Variants in PTPRM observed in about 807,000 individuals in gnomAD.
The protein encoded by PTPRM is protein tyrosine phosphatase receptor type M, also known as receptor-type tyrosine-protein phosphatase mu.
A neutral mutation model predicts 186.7 loss-of-function variants in PTPRM; 47 were observed. The observed-to-expected ratio is 0.25, with a 90% confidence interval of 0.20 to 0.32. PTPRM has a LOEUF of 0.32. Ranked by LOEUF, PTPRM falls within the 10% of genes least tolerant of loss-of-function variation. The pLI, the probability that PTPRM is intolerant of heterozygous loss-of-function variation, is 1.00. For missense variants in PTPRM, 1,494 were observed against 1,865.0 expected, an observed-to-expected ratio of 0.80 and a Z score of 3.66; for synonymous variants, 668 against 674.9, an observed-to-expected ratio of 0.99 and a Z score of 0.16.
chr18:7,591,192 A>G (rs746638788), intron 1 of PTPRM, among the ~76,000 whole-genome samples: 3 of 152,222 alleles, frequency 2.0e-5, no homozygotes, highest in South Asian at 2.1e-4. Context: ...AACAGATTGT[A>G]TCCTTAGCTA....
At position 8,253,322 on chromosome 18, in the gene PTPRM, C is replaced by A; in HGVS notation, c.2662C>A (p.Gln888Lys). ...GGCCGACGTGCCCTATCAGACTGGG[C>A]AGCTCCACCCCGCCATCCGGGTGGC... ...EPADVPYQTG[Q>K]LHPAIRVADL... The change falls in exon 19 of 33, where the codon CAG (glutamine) becomes AAG (lysine). Residue 888 changes from glutamine to lysine, a missense_variant. Physicochemically the swap from Gln to Lys is moderately conservative, Grantham distance 53. Around this residue, in one of 3 missense-constraint regions of PTPRM, gnomAD observed 1,107 missense variants for 1,350.2 expected, o/e 0.82. Transcript: ENST00000580170. 6.3e-7 allele frequency: 1 copy of A among 1,597,752 alleles called. No homozygotes were observed.
Position 8,105,824 on chromosome 18 carries a change from G to T in PTPRM, c.1857-7662G>T, listed in dbSNP as rs12953676. On this transcript the variant is annotated intron_variant, in intron 11 of 32. Coordinates refer to ENST00000580170, the MANE Select transcript of PTPRM (RefSeq NM_001105244.2). ...CCAGAAAAACCAACAAAATACTTAC[G>T]TAATATTTTGATATAACTTTAAGGA... Among the ~76,000 whole-genome samples, 744 of 152,224 alleles carry T rather than the reference G, an allele frequency of 4.9e-3. 15 individuals carry two copies. Among genetic ancestry groups the T allele is most frequent in the Non-Finnish European group, 5.8e-3 (396 of 68,024 alleles).
At chr18:7,889,591 A>G (rs2048965879) in intron 3 of PTPRM, among the ~76,000 whole-genome samples, 1 of 152,140 alleles carries the variant, frequency 6.6e-6, no homozygotes, top group East Asian at 1.9e-4. Flanking sequence ...CTGCCACCCT[A>G]GCCTCCCAGA....
At chr18:8,075,274 A>G (rs572746821) in intron 8 of PTPRM, among the ~76,000 whole-genome samples, 2 of 152,160 alleles carry the variant, frequency 1.3e-5, no homozygotes, top group Non-Finnish European at 2.9e-5. Context: ...ATCTATATAT[A>G]TATATCTTTA....
At chr18:8,389,706 T>C (rs2095799294) in intron 31 of PTPRM, among the ~76,000 whole-genome samples, 1 of 152,236 alleles carries the variant, frequency 6.6e-6, no homozygotes, top group Non-Finnish European at 1.5e-5. Flanking sequence ...CTAAGGCTTT[T>C]TTTAGCTATA....
At chr18:7,585,291 CT>C (rs2036949728) in intron 1 of PTPRM, among the ~76,000 whole-genome samples, 1 of 152,090 alleles carries the variant, frequency 6.6e-6, no homozygotes, top group African/African-American at 2.4e-5. Context: ...AACGGGATGT[CT>C]TCTAAGCAAG....
At chr18:7,788,537 A>C (rs2145176434) in intron 2 of PTPRM, among the ~76,000 whole-genome samples, 1 of 152,304 alleles carries the variant, frequency 6.6e-6, no homozygotes, top group East Asian at 1.9e-4. Context: ...TGGGAGTTTT[A>C]ACGGTGAAAT....
intron 1 of PTPRM, among the ~76,000 whole-genome samples, chr18:7,645,901 T>A (rs1022195387): frequency 3.9e-5 from 6 of 152,200 alleles, no homozygotes; most frequent in African/African-American, 9.6e-5. Context: ...GTTTTGTCAG[T>A]CTGCCAGGAT....
intron 11 of PTPRM, among the ~76,000 whole-genome samples, chr18:8,091,452 G>A (rs1434315993): frequency 6.6e-6 from 1 of 152,094 alleles, no homozygotes; most frequent in Non-Finnish European, 1.5e-5. Context: ...TCCTTAAGGG[G>A]CATCATTCAG....
intron 19 of PTPRM, among the ~76,000 whole-genome samples, chr18:8,291,015 G>T (rs899608453): frequency 1.3e-5 from 2 of 152,104 alleles, no homozygotes; most frequent in African/African-American, 4.8e-5. Flanking sequence ...TATAAAACTT[G>T]TGCTGGGAGC....
At chr18:7,952,234 T>C (rs1568065665) in intron 6 of PTPRM, among the ~76,000 whole-genome samples, 1 of 152,270 alleles carries the variant, frequency 6.6e-6, no homozygotes, top group Non-Finnish European at 1.5e-5. Context: ...TGTGTGTGTA[T>C]AAATACTGCC....
chr18:7,657,283 C>T (rs75532269), intron 1 of PTPRM, among the ~76,000 whole-genome samples: 8,398 of 152,216 alleles, frequency 0.055, 330 homozygotes, highest in Admixed American at 0.11. Flanking sequence ...AACTGACAGT[C>T]CAGGGCAAGT....
chr18:8,074,907 T>C (rs1192187471), intron 8 of PTPRM, among the ~76,000 whole-genome samples: 2 of 152,240 alleles, frequency 1.3e-5, no homozygotes, highest in African/African-American at 2.4e-5. Flanking sequence ...ATGTACATTT[T>C]ATCTAGATTT....
At chr18:8,064,458 T>A (rs1165534826) in intron 7 of PTPRM, among the ~76,000 whole-genome samples, 1 of 152,158 alleles carries the variant, frequency 6.6e-6, no homozygotes, top group East Asian at 1.9e-4. Flanking sequence ...CTCCCTTATA[T>A]AGGATTGTAT....
chr18:8,349,811 G>A (rs2095524685), intron 23 of PTPRM, among the ~76,000 whole-genome samples: 1 of 152,178 alleles, frequency 6.6e-6, no homozygotes, highest in Admixed American at 6.5e-5. Flanking sequence ...CCTGCCTCCT[G>A]TTTTCAAGGT....
At chr18:8,321,489 T>A (rs1206021395) in intron 22 of PTPRM, among the ~76,000 whole-genome samples, 2 of 152,228 alleles carry the variant, frequency 1.3e-5, no homozygotes, top group African/African-American at 4.8e-5. Context: ...TTCTGCAGAA[T>A]TCATGTGAGT....
chr18:7,989,307 G>A (rs2083137030), intron 7 of PTPRM, among the ~76,000 whole-genome samples: 1 of 152,052 alleles, frequency 6.6e-6, no homozygotes, highest in Non-Finnish European at 1.5e-5. Context: ...AGGCTTGCAG[G>A]TTCCACTGAA....
intron 7 of PTPRM, among the ~76,000 whole-genome samples, chr18:8,035,878 A>G (rs935398157): frequency 6.6e-6 from 1 of 152,186 alleles, no homozygotes; most frequent in Non-Finnish European, 1.5e-5. Context: ...TTTTTTAAAA[A>G]TTGAGGTTCA....
At chr18:8,378,171 C>G (rs946096075) in intron 26 of PTPRM, 94 bp from the exon 27 acceptor site, 1 of 1,305,594 alleles carries the variant, frequency 7.7e-7, no homozygotes. Context: ...GGAACTGTCT[C>G]CACTCTCTTG....
Sources: allele counts gnomAD v4.1 joint callset (sites outside exome capture counted in the v4.1 genomes callset), GRCh38; gene constraint gnomAD v4.1.1; regional missense constraint gnomAD v4.1.1; transcripts MANE v1.5; gene names NCBI Gene and HGNC (gene_info 2026-07-23, HGNC 2026-07-21).